Variants in IL4R observed in about 807,000 individuals in gnomAD.
IL4R encodes interleukin-4 receptor subunit alpha.
In IL4R, 17 loss-of-function variants were observed where a neutral mutation model predicts 41.5. That is an observed-to-expected ratio of 0.41 (90% confidence interval 0.28 to 0.61). The LOEUF (loss-of-function observed/expected upper bound fraction) is 0.61, where lower values mean the gene tolerates loss of function less well. IL4R is among the 20% of genes least tolerant of loss of function. The probability of loss-of-function intolerance (pLI) is 0.31; values close to 1 mark genes in which losing one functional copy is unlikely to be tolerated. For missense variants in IL4R, 974 were observed against 1,043.1 expected (o/e 0.93, Z 0.91); for synonymous variants, 402 against 422.9 (o/e 0.95, Z 0.61).
At chr16:27,333,987 A>G (rs2085184563) in intron 2 of IL4R, among the ~76,000 whole-genome samples, 3 of 151,516 alleles carry the variant, frequency 2.0e-5, no homozygotes, top group Admixed American at 2.0e-4. Context: ...GGTTCAAGCC[A>G]TTCTCCTGCC....
At chr16:27,323,731 C>T (rs187970041) in intron 1 of IL4R, among the ~76,000 whole-genome samples, 70 of 152,130 alleles carry the variant, frequency 4.6e-4, no homozygotes, top group African/African-American at 1.6e-3. Flanking sequence ...TCACAGTTCA[C>T]TGCAGCTGCG....
intron 10 of IL4R, chr16:27,361,130 C>A: frequency 1.2e-6 from 1 of 863,728 alleles, no homozygotes; most frequent in Non-Finnish European, 1.6e-6. Flanking sequence ...TAGCCACTAT[C>A]CTGAACACTC....
At chr16:27,322,102 G>GT (rs2084828733) in intron 1 of IL4R, among the ~76,000 whole-genome samples, 2 of 92,606 alleles carry the variant, frequency 2.2e-5, no homozygotes, top group Non-Finnish European at 2.3e-5. Context: ...GTCACTATGT[G>GT]GTTTTTTTTT....
intron 2 of IL4R, among the ~76,000 whole-genome samples, chr16:27,338,649 C>T (rs906477189): frequency 3.9e-5 from 6 of 152,030 alleles, no homozygotes; most frequent in African/African-American, 1.4e-4. Flanking sequence ...GTGATTAAGT[C>T]ATGAGGGCTC....
chr16:27,322,282 G>A (rs2084836786), intron 1 of IL4R, among the ~76,000 whole-genome samples: 1 of 151,996 alleles, frequency 6.6e-6, no homozygotes, highest in African/African-American at 2.4e-5. Flanking sequence ...TACCTTTTTG[G>A]TGAATTGTTG....
Position 27,340,166 on chromosome 16 carries a change from T to A in IL4R, c.-18-20T>A. 6.3e-7 allele frequency: 1 copy of A among 1,587,738 alleles called. No individual in the cohort carries two copies. The highest frequency in any genetic ancestry group is 8.6e-7 in the Non-Finnish European group (1 of 1,159,052). On this transcript the variant is annotated intron_variant, in intron 2 of 10. Transcript: ENST00000395762. ...CTGGAAGCACAGGTCAGCACTAACC[T>A]GCTTCCTCTCTCTCTGCAGGTGCCT... is the stretch of plus-strand genomic sequence containing the variant.
chr16:27,357,887 CT>C (rs1169759697), intron 8 of IL4R, among the ~76,000 whole-genome samples: 1 of 149,746 alleles, frequency 6.7e-6, no homozygotes. Flanking sequence ...ATAAGCATTT[CT>C]TTCGTTTTTT....
At chr16:27,318,385 A>G (rs1363577512) in intron 1 of IL4R, among the ~76,000 whole-genome samples, 1 of 152,156 alleles carries the variant, frequency 6.6e-6, no homozygotes, top group Admixed American at 6.5e-5. Flanking sequence ...CTAGGAAGGA[A>G]AGCAAAGCTG....
chr16:27,353,484 C>T (rs979083639), intron 7 of IL4R, among the ~76,000 whole-genome samples: 4 of 151,936 alleles, frequency 2.6e-5, no homozygotes, highest in Non-Finnish European at 4.4e-5. Flanking sequence ...AGGGGTAGCT[C>T]GCATAAATAC....
intron 7 of IL4R, 62 bp from the exon 8 acceptor site, chr16:27,355,746 G>A: frequency 8.2e-7 from 1 of 1,222,584 alleles, no homozygotes; most frequent in Admixed American, 1.7e-5. Flanking sequence ...CCAGTCCTGG[G>A]AAGTGGAGCC....
In IL4R at chr16:27,314,032, G is replaced by A; in HGVS notation, c.-152+12G>A. 2 of 984,892 alleles carry A rather than the reference G, an allele frequency of 2.0e-6. No homozygotes were observed. The highest frequency in any genetic ancestry group is 2.4e-6 in the Non-Finnish European group (2 of 829,760). 61.0% of individuals were successfully genotyped at this position (984,892 alleles called of 1,614,324 possible). A position where few individuals can be genotyped will look rare whatever the true frequency, so the allele number is the denominator to read the frequency against. ...GCAGGGGCGCGCAGGTAGGATCCGG[G>A]GCCCGCGCGCGGATCGGGTTGCGAA... On this transcript the variant is annotated intron_variant, in intron 1 of 10. Transcript: ENST00000395762.
chr16:27,314,888 A>ATC (rs1207315442), intron 1 of IL4R, among the ~76,000 whole-genome samples: 3 of 152,090 alleles, frequency 2.0e-5, no homozygotes, highest in Non-Finnish European at 2.9e-5. Flanking sequence ...GTGTCTCACT[A>ATC]TGTTGTCCAG....
chr16:27,319,700 G>A (rs900700876), intron 1 of IL4R, among the ~76,000 whole-genome samples: 5 of 152,138 alleles, frequency 3.3e-5, no homozygotes, highest in African/African-American at 1.2e-4. Flanking sequence ...ACAGCAGGAG[G>A]TGAGTGGCGG....
chr16:27,340,720 A>C (rs2085413364), intron 3 of IL4R, among the ~76,000 whole-genome samples: 1 of 151,502 alleles, frequency 6.6e-6, no homozygotes, highest in African/African-American at 2.4e-5. Flanking sequence ...AGACCCTGTC[A>C]AAAAAAAAGA....
intron 10 of IL4R, among the ~76,000 whole-genome samples, chr16:27,362,029 C>T (rs2086309482): frequency 6.6e-6 from 1 of 152,048 alleles, no homozygotes; most frequent in Non-Finnish European, 1.5e-5. Context: ...TATTTGGTGC[C>T]CAGGACATGT....
At chr16:27,330,370 G>C (rs1255332519) in intron 2 of IL4R, among the ~76,000 whole-genome samples, 172 bp downstream of exon 2, 3 of 143,134 alleles carry the variant, frequency 2.1e-5, no homozygotes, top group African/African-American at 7.9e-5. Flanking sequence ...CTGGGCAACA[G>C]AGTGAGACTC....
rs191203134 is a variant in IL4R, at chr16:27,330,886, C to T, written c.-19+688C>T. Among the ~76,000 whole-genome samples, 117 of 152,112 alleles carry T rather than the reference C, an allele frequency of 7.7e-4. 1 individual carries two copies. The highest frequency in any genetic ancestry group is 3.4e-3 in the Middle Eastern group (1 of 294). ...GATGCTTCTCTAATGAGCTGTGAAC[C>T]CCCTGGGGATCTGTGGCCCCTGTGA... On this transcript the variant is annotated intron_variant, in intron 2 of 10. Transcript: ENST00000395762.
At chr16:27,361,078 CTGT>C in intron 10 of IL4R, 1 of 1,362,870 alleles carries the variant, frequency 7.3e-7, no homozygotes, top group Non-Finnish European at 9.5e-7. Flanking sequence ...GCAGCCGTGC[CTGT>C]TGTTAAAATC....
chr16:27,329,633 C>G (rs138416222), intron 1 of IL4R, among the ~76,000 whole-genome samples: 4 of 149,488 alleles, frequency 2.7e-5, no homozygotes, highest in African/African-American at 7.4e-5. Context: ...GCCGACATCA[C>G]GCCACTGCTC....
Sources: allele counts gnomAD v4.1 joint callset (sites outside exome capture counted in the v4.1 genomes callset), GRCh38; gene constraint gnomAD v4.1.1; transcripts MANE v1.5; gene names NCBI Gene and HGNC (gene_info 2026-07-23, HGNC 2026-07-21).